The following SLC26A7 variants were observed in gnomAD, a reference collection of about 807,000 sequenced individuals.
SLC26A7 encodes the protein solute carrier family 26 member 7, also known as anion exchange transporter.
SLC26A7 carries 59 observed loss-of-function variants against 82.5 expected under a neutral mutation model. The observed-to-expected ratio is 0.72, with a 90% CI of 0.58 to 0.89. SLC26A7 has a LOEUF of 0.89. SLC26A7 is among the 40% of genes least tolerant of loss of function. The pLI is 0.00. For synonymous variants in SLC26A7, 271 were observed against 274.3 expected, an observed-to-expected ratio of 0.99 and a Z score of 0.12; for missense variants, 820 against 793.0, an observed-to-expected ratio of 1.03 and a Z score of -0.41.
chr8:91,333,197 C>T (rs1027052670), intron 5 of SLC26A7, among the ~76,000 whole-genome samples: 1 of 152,102 alleles, frequency 6.6e-6, no homozygotes, highest in African/African-American at 2.4e-5. Context: ...GAAACATAGC[C>T]TTTGATTTTA....
intron 5 of SLC26A7, among the ~76,000 whole-genome samples, chr8:91,321,113 T>C (rs1202291455): frequency 6.6e-6 from 1 of 152,264 alleles, no homozygotes; most frequent in Admixed American, 6.5e-5. Flanking sequence ...TCACAGGGGA[T>C]GTCTGATTCT....
chr8:91,330,081 G>T (rs140708988), intron 5 of SLC26A7, among the ~76,000 whole-genome samples: 2 of 152,056 alleles, frequency 1.3e-5, no homozygotes, highest in Non-Finnish European at 2.9e-5. Context: ...AAGATAAAAA[G>T]CAAAGCTACC....
At chr8:91,309,458 A>G (rs1460199907) in intron 4 of SLC26A7, among the ~76,000 whole-genome samples, 1 of 151,514 alleles carries the variant, frequency 6.6e-6, no homozygotes. Flanking sequence ...AACACTCACC[A>G]TCCATTTGTT....
At chr8:91,322,700 T>C (rs1320503500) in intron 5 of SLC26A7, among the ~76,000 whole-genome samples, 3 of 152,220 alleles carry the variant, frequency 2.0e-5, no homozygotes, top group Non-Finnish European at 4.4e-5. Context: ...GATACTTTCA[T>C]TGGCATGGCT....
chr8:91,353,410 C>T (rs1214388961), intron 11 of SLC26A7, among the ~76,000 whole-genome samples: 1 of 152,154 alleles, frequency 6.6e-6, no homozygotes, highest in Non-Finnish European at 1.5e-5. Context: ...GGGTGAACCT[C>T]TTAATGGTGA....
intron 15 of SLC26A7, among the ~76,000 whole-genome samples, chr8:91,371,955 G>C (rs554746123): frequency 7.6e-4 from 115 of 151,858 alleles, no homozygotes; most frequent in African/African-American, 2.4e-3. Context: ...GATGGTATCT[G>C]ATTTGATTTT....
intron 2 of SLC26A7, among the ~76,000 whole-genome samples, chr8:91,288,726 A>G (rs778317647): frequency 1.8e-4 from 27 of 152,108 alleles, no homozygotes; most frequent in Non-Finnish European, 3.4e-4. Context: ...CAGGCTTCTC[A>G]TCTGTCAGGG....
intron 15 of SLC26A7, among the ~76,000 whole-genome samples, chr8:91,381,790 C>T (rs1344473072): frequency 6.6e-6 from 1 of 152,156 alleles, no homozygotes; most frequent in Admixed American, 6.6e-5. Context: ...CTGTACTCTC[C>T]TATGCTTTAA....
chr8:91,292,299 CTG>C (rs1006299724), intron 3 of SLC26A7, among the ~76,000 whole-genome samples: 7 of 145,660 alleles, frequency 4.8e-5, no homozygotes, highest in African/African-American at 1.5e-4. Context: ...GTGCGAGACT[CTG>C]TCTCAAAAAA....
At chr8:91,289,364 G>A in intron 3 of SLC26A7, 118 bp downstream of exon 3, 1 of 765,822 alleles carries the variant, frequency 1.3e-6, no homozygotes, top group East Asian at 2.5e-5. Context: ...GCAAATATTA[G>A]AGGAAGATAT....
intron 15 of SLC26A7, 132 bp from the exon 16 acceptor site, chr8:91,389,206 T>C (rs1814884156): frequency 1.5e-6 from 1 of 657,274 alleles, no homozygotes; most frequent in African/African-American, 1.8e-5. Flanking sequence ...TACTGAAAAA[T>C]GTAAAAATTA....
chr8:91,389,917 A>ATGG (rs1814908741), intron 16 of SLC26A7, among the ~76,000 whole-genome samples: 1 of 152,172 alleles, frequency 6.6e-6, no homozygotes, highest in Non-Finnish European at 1.5e-5. Context: ...CTCTCAGGCA[A>ATGG]TGGTGCTTCT....
At chr8:91,305,536 G>T (rs1023151994) in intron 4 of SLC26A7, among the ~76,000 whole-genome samples, 1 of 152,024 alleles carries the variant, frequency 6.6e-6, no homozygotes, top group African/African-American at 2.4e-5. Context: ...GTTTTATTGA[G>T]CTCATATTTC....
In SLC26A7 at chr8:91,315,326, G is replaced by A. The variant is rs183585028; in HGVS notation, c.478-2890G>A. Among the ~76,000 whole-genome samples the A allele has an allele frequency of 2.5e-3, 377 of 152,186 alleles. 2 individuals are homozygous for A. Among genetic ancestry groups the A allele is most frequent in the Middle Eastern group, 0.024 (7 of 294 alleles). On this transcript the variant is annotated intron_variant, in intron 4 of 18. Coordinates refer to ENST00000276609, the MANE Select transcript of SLC26A7 (RefSeq NM_052832.4). ...TATGCTAATTTCATCCTCATGGCCT[G>A]TAAGAGTTAATGTCATAAGTTGGAA...
chr8:91,364,415 G>C (rs1356586741), intron 13 of SLC26A7, among the ~76,000 whole-genome samples: 1 of 152,146 alleles, frequency 6.6e-6, no homozygotes, highest in Non-Finnish European at 1.5e-5. Flanking sequence ...CGGCACCCAA[G>C]GGAATGGCTT....
chr8:91,309,107 G>C (rs1332017169), intron 4 of SLC26A7, among the ~76,000 whole-genome samples: 3 of 151,920 alleles, frequency 2.0e-5, no homozygotes, highest in Non-Finnish European at 4.4e-5. Flanking sequence ...TTTTATGTAT[G>C]TTAAACATAA....
At chr8:91,385,102 AC>A (rs1318759787) in intron 15 of SLC26A7, among the ~76,000 whole-genome samples, 1 of 152,132 alleles carries the variant, frequency 6.6e-6, no homozygotes, top group Non-Finnish European at 1.5e-5. Context: ...GGAGTTAATT[AC>A]CCACCCACAC....
At chr8:91,210,282 T>C (rs1452754413) in intron 1 of SLC26A7, among the ~76,000 whole-genome samples, 1 of 152,324 alleles carries the variant, frequency 6.6e-6, no homozygotes, top group East Asian at 1.9e-4. Flanking sequence ...TTAGCTTACC[T>C]GACACCTCCT....
Position 91,393,962 on chromosome 8 carries a change from T to C in SLC26A7, c.1858T>C (p.Tyr620His), listed in dbSNP as rs751231993. Residue 620 changes from tyrosine to histidine, a missense_variant, in exon 18 of 19, where the codon TAT (tyrosine) becomes CAT (histidine). Coordinates refer to ENST00000276609, the MANE Select transcript of SLC26A7 (RefSeq NM_052832.4). Reference protein sequence around the residue: ...TASLIKAMTYYGNLDSEKPIF... With the variant: ...TASLIKAMTYHGNLDSEKPIF... The stretch of plus-strand genomic sequence containing the variant: ...TTCCTTGATAAAAGCAATGACGTAT[T>C]ATGGAAACCTAGACTCAGAGAAACC... 2 of 1,613,764 alleles carry C rather than the reference T, an allele frequency of 1.2e-6. No homozygotes were observed. Among genetic ancestry groups the C allele is most frequent in the Non-Finnish European group, 1.7e-6 (2 of 1,179,684 alleles).
Sources: allele counts gnomAD v4.1 joint callset (sites outside exome capture counted in the v4.1 genomes callset), GRCh38; gene constraint gnomAD v4.1.1; transcripts MANE v1.5; gene names NCBI Gene and HGNC (gene_info 2026-07-23, HGNC 2026-07-21).